Variants in DNAJC6 observed in about 807,000 individuals in gnomAD.
DNAJC6 encodes the protein auxilin.
DNAJC6 carries 34 observed loss-of-function variants against 110.0 expected under a neutral mutation model. The ratio of observed to expected loss-of-function variants is 0.31; its 90% CI spans 0.24 to 0.41. The LOEUF (loss-of-function observed/expected upper bound fraction) is 0.41, where lower values mean the gene tolerates loss of function less well. Among genes scored for constraint, DNAJC6 ranks in the 10% least tolerant of loss-of-function variants. The pLI is 1.00. For synonymous variants in DNAJC6, 406 were observed against 437.2 expected, an observed-to-expected ratio of 0.93 and a Z score of 0.89; for missense variants, 1,031 against 1,207.8, an observed-to-expected ratio of 0.85 and a Z score of 2.17.
intron 1 of DNAJC6, among the ~76,000 whole-genome samples, chr1:65,293,736 C>T (rs764397090): frequency 6.6e-6 from 1 of 152,060 alleles, no homozygotes; most frequent in Non-Finnish European, 1.5e-5. Context: ...TTATCAAGAG[C>T]TAATTATTGT....
chr1:65,400,470 C>G (rs1646020430), intron 14 of DNAJC6, among the ~76,000 whole-genome samples: 1 of 152,158 alleles, frequency 6.6e-6, no homozygotes, highest in Non-Finnish European at 1.5e-5. Flanking sequence ...ACCAATGCCT[C>G]CTCATCCCTG....
intron 1 of DNAJC6, among the ~76,000 whole-genome samples, chr1:65,311,142 T>C (rs975970248): frequency 6.6e-6 from 1 of 151,834 alleles, no homozygotes; most frequent in African/African-American, 2.4e-5. Context: ...AACCAAGATA[T>C]TGATGGGACA....
intron 12 of DNAJC6, among the ~76,000 whole-genome samples, chr1:65,394,101 T>G (rs6588145): frequency 0.49 from 74,020 of 152,078 alleles, 18,452 homozygotes; most frequent in Middle Eastern, 0.64. Flanking sequence ...ATCCAAGATA[T>G]CAGTACTCGA....
intron 4 of DNAJC6, among the ~76,000 whole-genome samples, chr1:65,376,905 G>A (rs1645771854): frequency 6.6e-6 from 1 of 152,118 alleles, no homozygotes; most frequent in Non-Finnish European, 1.5e-5. Context: ...GAGTAGCTGG[G>A]ATTACTGGTG....
intron 17 of DNAJC6, among the ~76,000 whole-genome samples, chr1:65,410,826 A>G (rs979170258): frequency 7.9e-5 from 12 of 152,260 alleles, no homozygotes; most frequent in Non-Finnish European, 1.6e-4. Context: ...GCAGGCAAAG[A>G]GAAACACACA....
upstream of DNAJC6, among the ~76,000 whole-genome samples, chr1:65,306,027 C>T (rs529099857): frequency 1.3e-4 from 20 of 151,154 alleles, no homozygotes; most frequent in Non-Finnish European, 2.8e-4. Context: ...TGCCCAAAGT[C>T]ATAGAGCCAG....
chr1:65,281,966 A>G (rs373849519), intron 1 of DNAJC6, among the ~76,000 whole-genome samples: 2 of 152,186 alleles, frequency 1.3e-5, no homozygotes, highest in African/African-American at 4.8e-5. Flanking sequence ...TGGCCCAGTC[A>G]CCAGGGCTGG....
At chr1:65,266,160 C>G (rs1653322479) in intron 1 of DNAJC6, among the ~76,000 whole-genome samples, 1 of 152,160 alleles carries the variant, frequency 6.6e-6, no homozygotes, top group South Asian at 2.1e-4. Context: ...CTGCGCGCAG[C>G]GCCGCGGGGC....
intron 1 of DNAJC6, among the ~76,000 whole-genome samples, chr1:65,298,265 A>G (rs1227958966): frequency 6.6e-6 from 1 of 152,206 alleles, no homozygotes; most frequent in Non-Finnish European, 1.5e-5. Flanking sequence ...GCCTAAGATT[A>G]CAACTAGTAC....
intron 4 of DNAJC6, among the ~76,000 whole-genome samples, chr1:65,374,225 A>G (rs1436335100): frequency 6.6e-6 from 1 of 151,816 alleles, no homozygotes; most frequent in Non-Finnish European, 1.5e-5. Context: ...GATGCCTCTA[A>G]CTTTGTTCTT....
At chr1:65,378,900 C>T (rs534362431) in intron 4 of DNAJC6, among the ~76,000 whole-genome samples, 4 of 152,204 alleles carry the variant, frequency 2.6e-5, no homozygotes, top group Non-Finnish European at 5.9e-5. Context: ...ATGAAAATGC[C>T]AAGGGTTTCC....
At chr1:65,294,127 GAC>G (rs1644906093) in intron 1 of DNAJC6, among the ~76,000 whole-genome samples, 1 of 152,180 alleles carries the variant, frequency 6.6e-6, no homozygotes, top group African/African-American at 2.4e-5. Context: ...TAATGGTTAA[GAC>G]ATATCAGCAA....
Position 65,379,449 on chromosome 1 carries a change from C to G in DNAJC6, c.591C>G (p.Asn197Lys). 2 of 1,614,134 alleles carry G rather than the reference C, an allele frequency of 1.2e-6. No homozygotes were observed. The highest frequency in any genetic ancestry group is 2.7e-5 in the African/African-American group (2 of 75,044). Residue 197 changes from asparagine (N) to lysine (K), a missense_variant, in exon 5 of 19, where the codon AAC becomes AAG. Asn to Lys is a moderately conservative substitution (Grantham distance 94). Coordinates refer to ENST00000371069, the MANE Select transcript of DNAJC6 (RefSeq NM_001256864.2). ...TTAGGCAGGCTCCCAGTCTGCACAA[C>G]CTTTTTGCTGTGTGTCGGAATATGT... ...WPIRQAPSLH[N>K]LFAVCRNMYN...
At chr1:65,291,933 C>T (rs1407287609) in intron 1 of DNAJC6, among the ~76,000 whole-genome samples, 2 of 152,102 alleles carry the variant, frequency 1.3e-5, no homozygotes, top group East Asian at 1.9e-4. Context: ...TCCCTCCCAC[C>T]GTTGTCACTT....
chr1:65,293,637 G>T (rs1644901091), intron 1 of DNAJC6, among the ~76,000 whole-genome samples: 1 of 152,176 alleles, frequency 6.6e-6, no homozygotes, highest in South Asian at 2.1e-4. Context: ...AAGTGAGGGT[G>T]AGTGGGATGA....
chr1:65,332,638 A>G (rs1017564225), intron 1 of DNAJC6, among the ~76,000 whole-genome samples: 1 of 152,214 alleles, frequency 6.6e-6, no homozygotes, highest in African/African-American at 2.4e-5. Flanking sequence ...GTATGTTTGG[A>G]AAAATGATCA....
At chr1:65,278,903 C>T (rs1320784174) in intron 1 of DNAJC6, 16 of 928,348 alleles carry the variant, frequency 1.7e-5, no homozygotes, top group Non-Finnish European at 1.9e-5. Context: ...TGGAGCTGGG[C>T]GACATTCTCA....
intron 1 of DNAJC6, among the ~76,000 whole-genome samples, chr1:65,335,767 G>A (rs1027636763): frequency 4.6e-5 from 7 of 152,248 alleles, no homozygotes; most frequent in Non-Finnish European, 7.4e-5. Context: ...AGGCCATTGC[G>A]CGAGCTTTGA....
chr1:65,394,101 T>A (rs6588145), intron 12 of DNAJC6, among the ~76,000 whole-genome samples: 28,312 of 152,120 alleles, frequency 0.19, 5,870 homozygotes, highest in East Asian at 0.58. Flanking sequence ...ATCCAAGATA[T>A]CAGTACTCGA....
Sources: allele counts gnomAD v4.1 joint callset (sites outside exome capture counted in the v4.1 genomes callset), GRCh38; gene constraint gnomAD v4.1.1; transcripts MANE v1.5; gene names NCBI Gene and HGNC (gene_info 2026-07-23, HGNC 2026-07-21).